The following PCDH11X variants were observed in gnomAD, a reference collection of about 807,000 sequenced individuals.
PCDH11X encodes protocadherin-11 X-linked.
PCDH11X carries 18 observed loss-of-function variants against 53.3 expected under a neutral mutation model. The ratio of observed to expected loss-of-function variants is 0.34; its 90% CI spans 0.23 to 0.50. The LOEUF is 0.50. Ranked by LOEUF, PCDH11X falls within the 20% of genes least tolerant of loss-of-function variation. PCDH11X has a pLI of 0.98. For missense variants in PCDH11X, 570 were observed against 1,032.4 expected (o/e 0.55, Z 6.14); for synonymous variants, 279 against 393.3 (o/e 0.71, Z 3.44).
At chrX:92,532,863 A>G (rs923742434) in intron 10 of PCDH11X, among the ~76,000 whole-genome samples, 5 of 111,756 alleles carry the variant, frequency 4.5e-5, no homozygotes, top group Non-Finnish European at 9.4e-5. Context: ...GGAGCTAGTC[A>G]TGTCTTACAT....
chrX:91,892,660 A>G lies in PCDH11X; in HGVS notation c.3033+13387A>G, dbSNP rs2524555. Among the ~76,000 whole-genome samples the G allele has an allele frequency of 2.9e-4, 32 of 110,452 alleles. No individual in the cohort carries two copies. In the Admixed American group the frequency reaches 3.0e-3, roughly 10 times the overall value. On this transcript the variant is annotated intron_variant, in intron 6 of 10. Transcript: ENST00000682573. ...AGGACAAAAACAAAAATAAACTGCA[A>G]TTGGCGATATTGAAGTGCAACTGTG...
chrX:92,486,772 T>A (rs1221482488), intron 10 of PCDH11X, among the ~76,000 whole-genome samples: 2 of 109,718 alleles, frequency 1.8e-5, no homozygotes, highest in African/African-American at 3.3e-5. Context: ...TTATTATCAC[T>A]CACCCAATCA....
intron 6 of PCDH11X, among the ~76,000 whole-genome samples, chrX:91,894,307 A>C (rs1441225662): frequency 4.5e-5 from 5 of 112,084 alleles, no homozygotes; most frequent in Non-Finnish European, 9.4e-5. Flanking sequence ...TTCAGTGCAC[A>C]TACCTTGGTA....
intron 7 of PCDH11X, among the ~76,000 whole-genome samples, chrX:92,219,536 T>G (rs1299594512): frequency 1.8e-5 from 2 of 108,660 alleles, no homozygotes; most frequent in Non-Finnish European, 3.8e-5. Context: ...CACTGCTCAA[T>G]GAAATAAAAG....
chrX:91,875,690 C>T lies in PCDH11X; in HGVS notation c.541-1091C>T, dbSNP rs182827211. ...TACCTTTTTCAATTTGAGGTCTTGA[C>T]CTGTGAATTTTAGTTCATTGTGCTT... On this transcript the variant is annotated intron_variant, in intron 5 of 10. Coordinates refer to ENST00000682573, the MANE Select transcript of PCDH11X (RefSeq NM_032968.5). 3.7e-3 allele frequency among the ~76,000 whole-genome samples: 410 copies of T among 109,518 alleles called. 2 individuals are homozygous for T. The highest frequency in any genetic ancestry group is 0.013 in the African/African-American group (389 of 30,193).
intron 8 of PCDH11X, among the ~76,000 whole-genome samples, chrX:92,315,883 T>C (rs1292831686): frequency 2.8e-5 from 3 of 106,981 alleles, no homozygotes; most frequent in Non-Finnish European, 5.8e-5. Flanking sequence ...TGCGGCTGTA[T>C]GTTTTTAACT....
chrX:92,031,963 C>T (rs1332620244), intron 6 of PCDH11X, among the ~76,000 whole-genome samples: 6 of 111,580 alleles, frequency 5.4e-5, no homozygotes, highest in African/African-American at 2.0e-4. Flanking sequence ...TTTGTTTACT[C>T]TGGGTGTTTG....
chrX:92,481,046 T>G (rs1200361337), intron 10 of PCDH11X, among the ~76,000 whole-genome samples: 2 of 110,480 alleles, frequency 1.8e-5, no homozygotes, highest in Admixed American at 9.6e-5. Context: ...CAGGTGCAGG[T>G]CTTTGTGCAC....
chrX:92,131,101 A>T (rs2064964045), intron 6 of PCDH11X, among the ~76,000 whole-genome samples: 1 of 111,710 alleles, frequency 9.0e-6, no homozygotes. Flanking sequence ...TATACTCTGA[A>T]TCATGATATA....
At chrX:92,422,844 A>G (rs2072005084) in intron 9 of PCDH11X, among the ~76,000 whole-genome samples, 1 of 106,586 alleles carries the variant, frequency 9.4e-6, no homozygotes, top group African/African-American at 3.4e-5. Context: ...TATTTTATTT[A>G]TTTCTTTATT....
chrX:92,331,279 T>TTTCTTC (rs757045963), intron 8 of PCDH11X, among the ~76,000 whole-genome samples: 1,329 of 53,200 alleles, frequency 0.025, 113 homozygotes, highest in African/African-American at 0.051. Context: ...CCTCCTCCTC[T>TTTCTTC]TTCTTCTTCT....
intron 10 of PCDH11X, among the ~76,000 whole-genome samples, chrX:92,576,201 T>C (rs1229919994): frequency 3.5e-5 from 2 of 57,040 alleles, no homozygotes; most frequent in Admixed American, 3.9e-4. Flanking sequence ...ATAACTGTTC[T>C]GCTCTTTTTT....
chrX:92,444,150 T>C (rs1326213406), intron 9 of PCDH11X, among the ~76,000 whole-genome samples: 1 of 109,528 alleles, frequency 9.1e-6, no homozygotes, highest in African/African-American at 3.3e-5. Flanking sequence ...TATTAAGTCT[T>C]CCAATCCATG....
intron 10 of PCDH11X, among the ~76,000 whole-genome samples, chrX:92,491,549 A>G (rs903626103): frequency 9.0e-6 from 1 of 111,027 alleles, no homozygotes; most frequent in Non-Finnish European, 1.9e-5. Context: ...TAACCTACCC[A>G]TCACATACCA....
At chrX:92,214,382 T>G (rs1221023321) in intron 7 of PCDH11X, among the ~76,000 whole-genome samples, 4 of 112,052 alleles carry the variant, frequency 3.6e-5, no homozygotes, top group Admixed American at 1.9e-4. Flanking sequence ...GCAACCTCAT[T>G]ATTTGGTTCT....
At chrX:92,377,176 A>T (rs1244613638) in intron 8 of PCDH11X, among the ~76,000 whole-genome samples, 3 of 111,904 alleles carry the variant, frequency 2.7e-5, no homozygotes, top group African/African-American at 3.2e-5. Context: ...AATCTTTTCA[A>T]TTTGTATATC....
At chrX:92,331,916 A>C (rs2148505622) in intron 8 of PCDH11X, among the ~76,000 whole-genome samples, 1 of 111,757 alleles carries the variant, frequency 8.9e-6, no homozygotes, top group African/African-American at 3.2e-5. Flanking sequence ...AATTTAAAAT[A>C]AATTGTGGTC....
rs181283548 is a variant in PCDH11X, at chrX:92,261,716, G to A, written c.3115-1398G>A. On this transcript the variant is annotated intron_variant, in intron 7 of 10. Coordinates refer to ENST00000682573, the MANE Select transcript of PCDH11X (RefSeq NM_032968.5). ...ATTCTTAGATATGGCTAAAGTTTTGGTGATGTTATAGTCCTTGAGATTATT... is the reference window on the plus strand; with the variant it reads ...ATTCTTAGATATGGCTAAAGTTTTGATGATGTTATAGTCCTTGAGATTATT... 3.1e-3 allele frequency among the ~76,000 whole-genome samples: 344 copies of A among 111,822 alleles called. 2 individuals are homozygous for A. The highest frequency in any genetic ancestry group is 5.0e-3 in the Non-Finnish European group (267 of 52,996).
intron 8 of PCDH11X, among the ~76,000 whole-genome samples, chrX:92,365,385 T>C (rs1331803210): frequency 9.1e-6 from 1 of 109,825 alleles, no homozygotes; most frequent in Non-Finnish European, 1.9e-5. Context: ...GTGCAGTAGG[T>C]TTTTGCTGTT....
Sources: allele counts gnomAD v4.1 joint callset (sites outside exome capture counted in the v4.1 genomes callset), GRCh38; gene constraint gnomAD v4.1.1; transcripts MANE v1.5; gene names NCBI Gene and HGNC (gene_info 2026-07-23, HGNC 2026-07-21).